MCMDC2: variants seen among roughly 807,000 people sequenced by gnomAD.
MCMDC2 encodes minichromosome maintenance domain-containing protein 2.
MCMDC2 carries 54 observed loss-of-function variants against 75.8 expected under a neutral mutation model. That is an observed-to-expected ratio of 0.71 (90% CI 0.57 to 0.89). The LOEUF is 0.89. Ranked by LOEUF, MCMDC2 falls within the 40% of genes least tolerant of loss-of-function variation. The pLI is 0.00. For synonymous variants in MCMDC2, 249 were observed against 274.6 expected (o/e 0.91, Z 0.92); for missense variants, 656 against 780.4 (o/e 0.84, Z 1.90).
rs752225188 is a variant in MCMDC2 at position 66,905,271 on chromosome 8, A to G, written c.1815A>G (p.Lys605=). 2.2e-5 allele frequency: 33 copies of G among 1,500,296 alleles called. No individual in the cohort carries two copies. In the African/African-American group the frequency reaches 2.2e-4, roughly 10 times the overall value. 92.9% of individuals were successfully genotyped at this position (1,500,296 alleles called of 1,614,324 possible). Residue 605 remains lysine (K), a synonymous_variant, in exon 14 of 15, where the codon AAA becomes AAG. Transcript: ENST00000422365. ...EAHARLNLRN[K]VLKEDVLIAA... Reference sequence around the variant, plus strand: ...ATGCACGACTGAACTTAAGGAACAAAGTGCTTAAAGAAGATGTGCTGATTG... The same window carrying G: ...ATGCACGACTGAACTTAAGGAACAAGGTGCTTAAAGAAGATGTGCTGATTG...
At chr8:66,912,971 A>C (rs1050467110) in intron 14 of MCMDC2, among the ~76,000 whole-genome samples, 7 of 152,108 alleles carry the variant, frequency 4.6e-5, no homozygotes, top group African/African-American at 1.7e-4. Flanking sequence ...AAAAAAAAAA[A>C]CCAACATCAC....
At chr8:66,892,896 G>A (rs1812177484) in intron 10 of MCMDC2, among the ~76,000 whole-genome samples, 1 of 152,208 alleles carries the variant, frequency 6.6e-6, no homozygotes, top group African/African-American at 2.4e-5. Context: ...AACCAGCCTT[G>A]CATACCTGGG....
intron 14 of MCMDC2, among the ~76,000 whole-genome samples, chr8:66,911,451 C>T (rs958438797): frequency 6.6e-6 from 1 of 152,192 alleles, no homozygotes; most frequent in Admixed American, 6.5e-5. Flanking sequence ...TTATAAATTA[C>T]CCAGTTTTGG....
At position 66,914,283 on chromosome 8, in the gene MCMDC2, CAAAAAAAA is replaced by C. The variant is rs67943900; in HGVS notation, c.1880-4706_1880-4699del. Reference sequence around the variant, plus strand: ...GGGCAACAGAGTAAGACCCTGTATCCAAAAAAAAAAAAAAAAAAAAACTAAAGACACTA... The same window carrying C: ...GGGCAACAGAGTAAGACCCTGTATCCAAAAAAAAAAAAACTAAAGACACTA... On this transcript the variant is annotated intron_variant, in intron 14 of 14. Coordinates refer to ENST00000422365, the MANE Select transcript of MCMDC2 (RefSeq NM_173518.5). Among the ~76,000 whole-genome samples the C allele has an allele frequency of 4.7e-5, 4 of 85,720 alleles. No individual in the cohort carries two copies. In the East Asian group the frequency reaches 1.1e-3, roughly 23 times the overall value. 56.2% of individuals were successfully genotyped at this position (85,720 alleles called of 152,430 possible). A position where few individuals can be genotyped will look rare whatever the true frequency, so the allele number is the denominator to read the frequency against.
rs752413753 is a variant in MCMDC2, at chr8:66,896,305, C to A, written c.1415C>A (p.Ala472Glu). 2 of 1,609,046 alleles carry A rather than the reference C, an allele frequency of 1.2e-6. No homozygotes were observed. Among genetic ancestry groups the A allele is most frequent in the South Asian group, 2.2e-5 (2 of 89,488 alleles). Reference sequence around the variant, plus strand: ...GTGGATTCATCTTCAAGGAGAAATGCACAGAAAATCAACACTCTAATTGGT... The same window carrying A: ...GTGGATTCATCTTCAAGGAGAAATGAACAGAAAATCAACACTCTAATTGGT... Reference protein sequence around the residue: ...VDVDSSSRRNAQKINTLIGQM... With the variant: ...VDVDSSSRRNEQKINTLIGQM... Residue 472 changes from alanine (A) to glutamate (E), a missense_variant, in exon 11 of 15, where the codon GCA (alanine) becomes GAA (glutamate). Ala to Glu is a moderately radical substitution (Grantham distance 107, BLOSUM62 -1). Coordinates refer to ENST00000422365, the MANE Select transcript of MCMDC2 (RefSeq NM_173518.5).
chr8:66,890,865 G>C lies in MCMDC2; in HGVS notation c.1074G>C (p.Arg358Ser). 1 of 1,594,780 alleles carries C rather than the reference G, an allele frequency of 6.3e-7. No homozygotes were observed. The highest frequency in any genetic ancestry group is 1.2e-5 in the South Asian group (1 of 86,152). ...TGAAAAGTTTATTTTTTTTCCCTAG[G>C]CTTCTGAATTTTAGCATAAACCTTG... ...IITSDTLLID[R>S]LLNFSINLVP... The change falls in exon 10 of 15, where the codon AGG becomes AGC. Residue 358 changes from arginine (R) to serine (S), a missense_variant and splice_region_variant. Transcript: ENST00000422365.
At chr8:66,916,439 G>A (rs890674686) in intron 14 of MCMDC2, among the ~76,000 whole-genome samples, 2 of 152,162 alleles carry the variant, frequency 1.3e-5, no homozygotes, top group Non-Finnish European at 2.9e-5. Context: ...AGAAGTGTCC[G>A]AGGGAAACTC....
chr8:66,873,998 T>C, intron 1 of MCMDC2, 55 bp from the exon 2 acceptor site: 1 of 555,644 alleles, frequency 1.8e-6, no homozygotes, highest in Non-Finnish European at 2.9e-6. Context: ...TCAACTTTAA[T>C]AATTTGTAAA....
chr8:66,901,175 T>A, intron 12 of MCMDC2, 31 bp from the exon 13 acceptor site: 1 of 1,520,502 alleles, frequency 6.6e-7, no homozygotes, highest in Middle Eastern at 1.7e-4. Flanking sequence ...ATAATAAAGC[T>A]TGATTATCTT....
intron 12 of MCMDC2, among the ~76,000 whole-genome samples, chr8:66,899,310 G>C (rs1301546927): frequency 1.1e-4 from 17 of 152,222 alleles, no homozygotes; most frequent in Admixed American, 1.1e-3. Context: ...GGGGCAACAA[G>C]TCCTTTCCTG....
chr8:66,889,681 C>A (rs1812007185), intron 9 of MCMDC2, among the ~76,000 whole-genome samples: 1 of 151,952 alleles, frequency 6.6e-6, no homozygotes, highest in African/African-American at 2.4e-5. Flanking sequence ...TGTCTGTGGT[C>A]CCAGCTACTT....
At chr8:66,880,030 A>G (rs1441895246) in intron 7 of MCMDC2, among the ~76,000 whole-genome samples, 2 of 152,324 alleles carry the variant, frequency 1.3e-5, no homozygotes, top group Admixed American at 6.5e-5. Flanking sequence ...CAAAATTTTT[A>G]GTATGTTTTT....
In MCMDC2 at chr8:66,902,707, AAAAAATATATATAT is replaced by A. The variant is rs1474993195; in HGVS notation, c.1769+1361_1769+1374del. Among the ~76,000 whole-genome samples, 114 of 121,196 alleles carry A rather than the reference AAAAAATATATATAT, an allele frequency of 9.4e-4. 1 individual carries two copies. The highest frequency in any genetic ancestry group is 4.0e-3 in the African/African-American group (112 of 28,200). The allele number at this position is 121,196 out of a possible 152,430, so 79.5% of individuals were successfully genotyped here. On this transcript the variant is annotated intron_variant, in intron 13 of 14. Transcript: ENST00000422365. Reference sequence around the variant, plus strand: ...GATTCTGTCTCAAAAAAAAAAAAAAAAAAAATATATATATATATATATATATATATATATACATA... The same window carrying A: ...GATTCTGTCTCAAAAAAAAAAAAAAAATATATATATATATATATATACATA...
At chr8:66,880,715 T>C (rs1355483394) in intron 7 of MCMDC2, 134 bp from the exon 8 acceptor site, 1 of 888,976 alleles carries the variant, frequency 1.1e-6, no homozygotes, top group African/African-American at 1.8e-5. Context: ...TATATGGATA[T>C]TATCCTAAAC....
chr8:66,883,705 GTTGTC>G, intron 8 of MCMDC2, 47 bp from the exon 9 acceptor site: 1 of 955,850 alleles, frequency 1.0e-6, no homozygotes, highest in Non-Finnish European at 1.6e-6. Flanking sequence ...TATCTATAAT[GTTGTC>G]TTGTTTTAAA....
At position 66,901,358 on chromosome 8, in the gene MCMDC2, C is replaced by G; in HGVS notation, c.1769+10C>G. 6.3e-7 allele frequency: 1 copy of G among 1,591,160 alleles called. No individual in the cohort carries two copies. Among genetic ancestry groups the G allele is most frequent in the South Asian group, 1.2e-5 (1 of 85,804 alleles). On this transcript the variant is annotated intron_variant, in intron 13 of 14. Coordinates refer to ENST00000422365, the MANE Select transcript of MCMDC2 (RefSeq NM_173518.5). ...CTGCATTAAAATATCTGTAGGTATTCAATTCAAGATTTTAAAATCAGCATT... is the reference window on the plus strand; with the variant it reads ...CTGCATTAAAATATCTGTAGGTATTGAATTCAAGATTTTAAAATCAGCATT...
chr8:66,925,833 T>A (rs1468395494), downstream of MCMDC2, among the ~76,000 whole-genome samples: 17 of 152,180 alleles, frequency 1.1e-4, no homozygotes, highest in East Asian at 2.9e-3. Flanking sequence ...CAGTTTGCAG[T>A]GGATGCAAAC....
At chr8:66,895,968 C>T (rs1489446740) in intron 10 of MCMDC2, among the ~76,000 whole-genome samples, 1 of 152,158 alleles carries the variant, frequency 6.6e-6, no homozygotes, top group Non-Finnish European at 1.5e-5. Flanking sequence ...TGGTTCTCAT[C>T]AAGTCATGGG....
intron 14 of MCMDC2, among the ~76,000 whole-genome samples, chr8:66,917,424 CTTATT>C (rs1249577582): frequency 6.6e-6 from 1 of 152,204 alleles, no homozygotes; most frequent in Non-Finnish European, 1.5e-5. Flanking sequence ...ATAAAATCTA[CTTATT>C]TTAACCATTT....
Sources: gnomAD v4.1 joint callset for allele counts (sites outside exome capture counted in the v4.1 genomes callset) on GRCh38, gnomAD v4.1.1 for gene constraint, MANE v1.5 for transcripts, NCBI Gene and HGNC (gene_info 2026-07-23, HGNC 2026-07-21) for gene names.